Variants in ZFHX4 observed in about 807,000 individuals in gnomAD.
ZFHX4 encodes zinc finger homeobox 4, also known as zinc finger homeobox protein 4.
A neutral mutation model predicts 267.6 loss-of-function variants in ZFHX4; 56 were observed. That is an observed-to-expected ratio of 0.21 (90% CI 0.17 to 0.26). The LOEUF (loss-of-function observed/expected upper bound fraction) is 0.26, where lower values mean the gene tolerates loss of function less well. Ranked by LOEUF, ZFHX4 falls within the 10% of genes least tolerant of loss-of-function variation. The pLI is 1.00. For missense variants in ZFHX4, 4,332 were observed against 4,420.0 expected (o/e 0.98, Z 0.56); for synonymous variants, 1,778 against 1,665.6 (o/e 1.07, Z -1.64).
intron 4 of ZFHX4, among the ~76,000 whole-genome samples, chr8:76,829,850 A>C (rs1811887395): frequency 6.6e-6 from 1 of 152,112 alleles, no homozygotes; most frequent in Admixed American, 6.5e-5. Context: ...TTTGGCATTA[A>C]TCTTGGTTTT....
chr8:76,738,308 G>A (rs1329378435), intron 3 of ZFHX4, among the ~76,000 whole-genome samples: 1 of 152,138 alleles, frequency 6.6e-6, no homozygotes, highest in Non-Finnish European at 1.5e-5. Context: ...AACCAGGTCG[G>A]TTAAGGGATA....
chr8:76,700,993 T>G (rs1333561531), intron 1 of ZFHX4, among the ~76,000 whole-genome samples: 1 of 152,168 alleles, frequency 6.6e-6, no homozygotes, highest in African/African-American at 2.4e-5. Flanking sequence ...TCTTTTTTAC[T>G]GGGACTTATA....
At chr8:76,804,772 C>T (rs531048846) in intron 4 of ZFHX4, among the ~76,000 whole-genome samples, 17 of 151,900 alleles carry the variant, frequency 1.1e-4, no homozygotes, top group Admixed American at 3.3e-4. Flanking sequence ...GGTTTAAAGT[C>T]GGATTAAGTG....
rs754222202 is a variant in ZFHX4 at position 76,704,716 on chromosome 8, G to A, written c.628G>A (p.Ala210Thr). The change falls in exon 2 of 11, where the codon GCT (alanine) becomes ACT (threonine). Residue 210 changes from alanine to threonine, a missense_variant. By Grantham distance (58) the Ala-to-Thr change is moderately conservative. Coordinates refer to ENST00000651372, the MANE Select transcript of ZFHX4 (RefSeq NM_024721.5). ...CGGGAAACCATTTACAGCCGATCAG[G>A]CTTTCCCAAATACCTCAGCATTAGC... ...SLGKPFTADQ[A>T]FPNTSALAGV... 3.1e-6 allele frequency: 5 copies of A among 1,613,830 alleles called. 1 individual carries two copies. The highest frequency in any genetic ancestry group is 2.2e-5 in the South Asian group (2 of 91,086).
Position 76,853,749 on chromosome 8 carries a change from T to A in ZFHX4, c.6828T>A (p.Asn2276Lys). ...GGGTTATTGTTGTATGGTTCCAGAATGCTCGTCAGAAAGCACGAAAGAGTT... is the reference window on the plus strand; with the variant it reads ...GGGTTATTGTTGTATGGTTCCAGAAAGCTCGTCAGAAAGCACGAAAGAGTT... ...PTRVIVVWFQ[N>K]ARQKARKSYE... Residue 2276 changes from asparagine to lysine, a missense_variant, in exon 10 of 11, where the codon AAT becomes AAA. Coordinates refer to ENST00000651372, the MANE Select transcript of ZFHX4 (RefSeq NM_024721.5). 1 of 1,613,748 alleles carries A rather than the reference T, an allele frequency of 6.2e-7. No homozygotes were observed. Among genetic ancestry groups the A allele is most frequent in the Non-Finnish European group, 8.5e-7 (1 of 1,179,820 alleles).
At chr8:76,802,357 T>G (rs545210314) in intron 4 of ZFHX4, among the ~76,000 whole-genome samples, 1 of 152,312 alleles carries the variant, frequency 6.6e-6, no homozygotes, top group East Asian at 1.9e-4. Flanking sequence ...GTGTTTGGCT[T>G]GCTTTAATGT....
intron 4 of ZFHX4, among the ~76,000 whole-genome samples, chr8:76,816,297 T>C (rs1811504395): frequency 6.6e-6 from 1 of 152,242 alleles, no homozygotes; most frequent in Non-Finnish European, 1.5e-5. Flanking sequence ...TTCTCCTTGA[T>C]AGAACATTTT....
At chr8:76,759,112 T>C (rs1184960125) in intron 3 of ZFHX4, among the ~76,000 whole-genome samples, 1 of 152,200 alleles carries the variant, frequency 6.6e-6, no homozygotes, top group East Asian at 1.9e-4. Context: ...GTGAAAAATG[T>C]AAAACTCACT....
chr8:76,743,051 T>G (rs1253976294), intron 3 of ZFHX4, among the ~76,000 whole-genome samples: 38 of 152,246 alleles, frequency 2.5e-4, no homozygotes, highest in African/African-American at 7.7e-4. Flanking sequence ...ATATTCCATT[T>G]TAAACCATTT....
chr8:76,706,582 A>G lies in ZFHX4; in HGVS notation c.2494A>G (p.Thr832Ala), dbSNP rs749225916. 6.2e-7 allele frequency: 1 copy of G among 1,610,944 alleles called. No individual in the cohort carries two copies. Among genetic ancestry groups the G allele is most frequent in the African/African-American group, 1.3e-5 (1 of 75,024 alleles). Residue 832 changes from threonine (T) to alanine (A), a missense_variant, in exon 2 of 11, where the codon ACC (threonine) becomes GCC (alanine). This residue lies in a region of ZFHX4 where 1,195 missense variants were observed against 1,173.6 expected (regional missense o/e 1.02). Transcript: ENST00000651372. ...CTACCTAGCCCAGAACATAGGCCTG[A>G]CCGGAATGAAGCTGGAAAACCCTGC... ...QYYLAQNIGLTGMKLENPADP... is the reference protein window; with the variant it reads ...QYYLAQNIGLAGMKLENPADP...
intron 3 of ZFHX4, among the ~76,000 whole-genome samples, chr8:76,739,219 T>G (rs1041356710): frequency 5.3e-5 from 8 of 152,150 alleles, no homozygotes; most frequent in African/African-American, 1.7e-4. Flanking sequence ...TTATGTTACA[T>G]TTGATTGTGG....
chr8:76,813,408 T>C (rs1287005416), intron 4 of ZFHX4, among the ~76,000 whole-genome samples: 1 of 152,150 alleles, frequency 6.6e-6, no homozygotes, highest in African/African-American at 2.4e-5. Flanking sequence ...TGTTTTCATA[T>C]TTCTCTTAGG....
At chr8:76,834,368 C>A (rs376613854) in intron 5 of ZFHX4, 1 of 236,764 alleles carries the variant, frequency 4.2e-6, no homozygotes, top group East Asian at 9.9e-5. Context: ...AATGAGAGTT[C>A]CTGTTGCCCC....
At chr8:76,823,149 A>G (rs1381269651) in intron 4 of ZFHX4, among the ~76,000 whole-genome samples, 1 of 146,872 alleles carries the variant, frequency 6.8e-6, no homozygotes, top group African/African-American at 2.5e-5. Context: ...TTTTTTTTTA[A>G]CAGTGAGACA....
chr8:76,846,632 ATTC>A (rs1367320801), intron 6 of ZFHX4, among the ~76,000 whole-genome samples: 1 of 152,038 alleles, frequency 6.6e-6, no homozygotes, highest in Non-Finnish European at 1.5e-5. Context: ...AAATAAATAT[ATTC>A]TTAATATACA....
At chr8:76,862,166 GT>G (rs1812886848) in intron 10 of ZFHX4, among the ~76,000 whole-genome samples, 1 of 152,116 alleles carries the variant, frequency 6.6e-6, no homozygotes, top group Non-Finnish European at 1.5e-5. Flanking sequence ...TGTGTAATAG[GT>G]TATTATCAGC....
chr8:76,724,228 A>T (rs1045801335), intron 3 of ZFHX4, among the ~76,000 whole-genome samples: 7 of 152,138 alleles, frequency 4.6e-5, no homozygotes, highest in African/African-American at 1.7e-4. Context: ...GAAAACTTTG[A>T]AGGTTGCTTG....
intron 1 of ZFHX4, among the ~76,000 whole-genome samples, chr8:76,687,450 C>G (rs1419895964): frequency 6.6e-6 from 1 of 152,154 alleles, no homozygotes; most frequent in African/African-American, 2.4e-5. Context: ...TCTCCCAAGA[C>G]GGGATAGTGT....
chr8:76,729,590 G>C (rs547589401), intron 3 of ZFHX4, among the ~76,000 whole-genome samples: 7 of 152,136 alleles, frequency 4.6e-5, no homozygotes, highest in Admixed American at 1.3e-4. Flanking sequence ...TAGATGGCTC[G>C]AGAATGGGGC....
Sources: allele counts gnomAD v4.1 joint callset (sites outside exome capture counted in the v4.1 genomes callset), GRCh38; gene constraint gnomAD v4.1.1; regional missense constraint gnomAD v4.1.1; transcripts MANE v1.5; gene names NCBI Gene and HGNC (gene_info 2026-07-23, HGNC 2026-07-21).